Variants in IDS observed in about 807,000 individuals in gnomAD.
IDS encodes iduronate 2-sulfatase.
Under a neutral mutation model 33.5 loss-of-function variants are expected in IDS, and 1 was observed. The observed-to-expected ratio is 0.03, with a 90% CI of 0.01 to 0.14. The LOEUF (loss-of-function observed/expected upper bound fraction) is 0.14, where lower values mean the gene tolerates loss of function less well. Among genes scored for constraint, IDS ranks in the 10% least tolerant of loss-of-function variants. The pLI, the probability that IDS is intolerant of heterozygous loss-of-function variation, is 1.00. For missense variants in IDS, 328 were observed against 448.0 expected (o/e 0.73, Z 2.42); for synonymous variants, 191 against 184.4 (o/e 1.04, Z -0.29).
intron 8 of IDS, among the ~76,000 whole-genome samples, chrX:149,483,953 C>G (rs782646001): frequency 8.0e-5 from 9 of 112,715 alleles, no homozygotes; most frequent in Non-Finnish European, 3.7e-5. Context: ...ATAATGTCCT[C>G]AAGGCTCATC....
At chrX:149,503,901 G>A (rs1390265255) in intron 2 of IDS, among the ~76,000 whole-genome samples, 26 of 111,440 alleles carry the variant, frequency 2.3e-4, no homozygotes, top group Non-Finnish European at 4.5e-4. Context: ...CGTTCTGGGA[G>A]AAAGCTGGCC....
intron 7 of IDS, chrX:149,487,317 TAAA>T (rs782120091): frequency 1.7e-6 from 2 of 1,167,120 alleles, no homozygotes; most frequent in Non-Finnish European, 2.3e-6. Context: ...AGGAAACCTT[TAAA>T]AAAGAAAAAA....
intron 6 of IDS, among the ~76,000 whole-genome samples, chrX:149,494,241 C>T (rs782092019): frequency 5.4e-5 from 6 of 111,711 alleles, no homozygotes; most frequent in South Asian, 7.5e-4. Flanking sequence ...GTGAGCTGGG[C>T]GGCTGGGAAG....
intron 8 of IDS, among the ~76,000 whole-genome samples, chrX:149,484,706 G>C (rs1468620349): frequency 8.9e-6 from 1 of 112,446 alleles, no homozygotes; most frequent in East Asian, 2.8e-4. Context: ...CATATTTAAA[G>C]TCTAAATACT....
At chrX:149,491,197 G>T (rs190892072) in intron 6 of IDS, among the ~76,000 whole-genome samples, 1 of 111,805 alleles carries the variant, frequency 8.9e-6, no homozygotes, top group East Asian at 2.8e-4. Flanking sequence ...ATATCTTCAT[G>T]AACTATGGCC....
rs1486597383 is a variant in IDS, at chrX:149,484,308, TCTTAACA to T, written c.1181-1097_1181-1091del. 3.6e-5 allele frequency among the ~76,000 whole-genome samples: 4 copies of T among 112,529 alleles called. No homozygotes were observed. The East Asian group carries it at 1.1e-3, about 31-fold the overall frequency. ...AATTTTTCCATATAATCACTAACACTCTTAACACTTGTTTCATTCTTTTTTTTTAGAC... is the reference window on the plus strand; with the variant it reads ...AATTTTTCCATATAATCACTAACACTCTTGTTTCATTCTTTTTTTTTAGAC... On this transcript the variant is annotated intron_variant, in intron 8 of 8. Coordinates refer to ENST00000340855, the MANE Select transcript of IDS (RefSeq NM_000202.8).
In IDS at chrX:149,489,795, A is replaced by T. The variant is rs782191105; in HGVS notation, c.1006+519T>A. 4.5e-5 allele frequency among the ~76,000 whole-genome samples: 5 copies of T among 111,451 alleles called. No individual in the cohort carries two copies. In the East Asian group the frequency reaches 1.4e-3, roughly 31 times the overall value. ...CTGCTCTTGGAATGTTGAAGAATTT[A>T]AAAAATGCTTTTAAAAAGATAGTTT... is the stretch of plus-strand genomic sequence containing the variant. On this transcript the variant is annotated intron_variant, in intron 7 of 8. Transcript: ENST00000340855.
At chrX:149,487,305 T>G in intron 7 of IDS, 1 of 1,193,282 alleles carries the variant, frequency 8.4e-7, no homozygotes, top group Non-Finnish European at 1.1e-6. Context: ...TTTGTCCTCA[T>G]GAGGAAACCT....
chrX:149,500,012 C>A (rs782131759), intron 4 of IDS, among the ~76,000 whole-genome samples: 6 of 111,762 alleles, frequency 5.4e-5, no homozygotes, highest in Admixed American at 1.9e-4. Flanking sequence ...CTGCCTTGCT[C>A]ACCCCACCCT....
At chrX:149,490,514 C>A (rs781830490) in intron 6 of IDS, 74 bp from the exon 7 acceptor site, 364 of 1,054,362 alleles carry the variant, frequency 3.5e-4, no homozygotes, top group Non-Finnish European at 4.0e-4. Context: ...ATAATGCTTG[C>A]CTGTGCATCT....
Position 149,487,686 on chromosome X carries a change from C to T in IDS, c.1007-588G>A, listed in dbSNP as rs782423909. On this transcript the variant is annotated intron_variant, in intron 7 of 8. Coordinates refer to ENST00000340855, the MANE Select transcript of IDS (RefSeq NM_000202.8). ...ACCTCTCATTTCAGATCCTTAACCT[C>T]AATTAAAAACAACCCTTCATGCCTA... Among the ~76,000 whole-genome samples, 7 of 112,480 alleles carry T rather than the reference C, an allele frequency of 6.2e-5. No homozygotes were observed. The South Asian group carries it at 1.5e-3, about 24-fold the overall frequency.
intron 7 of IDS, 156 bp from the exon 8 acceptor site, chrX:149,487,254 G>A (rs370813919): frequency 8.3e-7 from 1 of 1,205,225 alleles, no homozygotes; most frequent in Non-Finnish European, 1.1e-6. Context: ...ACCACAGAAA[G>A]GGTTATTTCA....
In IDS at chrX:149,501,162, T is replaced by C. The variant is rs1411201493; in HGVS notation, c.419-125A>G. ...TTCTTTGGGGCTCAGTTTCCTCATC[T>C]ACAAAAGGTCCCCTCTAAAGCCAAA... On this transcript the variant is annotated intron_variant, in intron 3 of 8. Coordinates refer to ENST00000340855, the MANE Select transcript of IDS (RefSeq NM_000202.8). 1.4e-5 allele frequency: 6 copies of C among 440,375 alleles called. No homozygotes were observed. The African/African-American group carries it at 1.6e-4, about 12-fold the overall frequency. The allele number at this position is 440,375 out of a possible 1,213,427, so 36.3% of individuals were successfully genotyped here. A position where few individuals can be genotyped will look rare whatever the true frequency, so the allele number is the denominator to read the frequency against.
In IDS at chrX:149,487,005, G is replaced by A. The variant is rs782588855; in HGVS notation, c.1100C>T (p.Thr367Met). 21 of 1,209,939 alleles carry A rather than the reference G, an allele frequency of 1.7e-5. No homozygotes were observed. The highest frequency in any genetic ancestry group is 1.2e-4 in the East Asian group (4 of 33,784). Residue 367 changes from threonine to methionine, a missense_variant, in exon 8 of 9, where the codon ACG becomes ATG. Thr to Met is a moderately conservative substitution (Grantham distance 81, BLOSUM62 -1). Transcript: ENST00000340855. ...VPLIFYVPGR[T>M]ASLPEAGEKL... Reference sequence around the variant, plus strand: ...CTCGCCTGCCTCCGGAAGTGAAGCCGTCCTTCCAGGAACATAGAATATCAG... The same window carrying A: ...CTCGCCTGCCTCCGGAAGTGAAGCCATCCTTCCAGGAACATAGAATATCAG...
Position 149,482,016 on chromosome X carries a change from G to A in IDS, c.*730C>T, listed in dbSNP as rs1402504640. Reference sequence around the variant, plus strand: ...ATTATTTGCTAACAAATTATTATTTGGGCCAGAAAGTATCTGAAAAAAGTT... The same window carrying A: ...ATTATTTGCTAACAAATTATTATTTAGGCCAGAAAGTATCTGAAAAAAGTT... On this transcript the variant is annotated 3_prime_UTR_variant, in exon 9 of 9. Transcript: ENST00000340855. 6 of 112,161 alleles carry A rather than the reference G, an allele frequency of 5.3e-5. No homozygotes were observed. The highest frequency in any genetic ancestry group is 1.1e-4 in the Non-Finnish European group (6 of 53,175). The allele number at this position is 112,161 out of a possible 1,213,427, so 9.2% of individuals were successfully genotyped here.
Position 149,489,718 on chromosome X carries a change from A to T in IDS, c.1006+596T>A, listed in dbSNP as rs782263095. ...AGAGATGGGGGAGTGGGTGAGGATG[A>T]GAGGAACAAGACTATGTGAGTGGGA... On this transcript the variant is annotated intron_variant, in intron 7 of 8. Coordinates refer to ENST00000340855, the MANE Select transcript of IDS (RefSeq NM_000202.8). Among the ~76,000 whole-genome samples the T allele has an allele frequency of 2.7e-5, 3 of 111,867 alleles. No individual in the cohort carries two copies. In the South Asian group the frequency reaches 1.1e-3, roughly 42 times the overall value.
rs782356881 is a variant in IDS, at chrX:149,490,295, G to A, written c.1006+19C>T. 1.7e-6 allele frequency: 2 copies of A among 1,207,929 alleles called. No individual in the cohort carries two copies. Among genetic ancestry groups the A allele is most frequent in the East Asian group, 5.9e-5 (2 of 33,809 alleles). On this transcript the variant is annotated intron_variant, in intron 7 of 8. Transcript: ENST00000340855. ...AAGTTCAGATGTTTTGACTCACCAGGGAATTTCAAAATGCTTACCATGATC... is the reference window on the plus strand; with the variant it reads ...AAGTTCAGATGTTTTGACTCACCAGAGAATTTCAAAATGCTTACCATGATC...
At chrX:149,495,160 A>G (rs782551727) in intron 6 of IDS, among the ~76,000 whole-genome samples, 1 of 112,329 alleles carries the variant, frequency 8.9e-6, no homozygotes, top group South Asian at 3.7e-4. Context: ...ACCATCACTA[A>G]TAAAGCATCC....
Position 149,496,440 on chromosome X carries a change from A to G in IDS, c.785T>C (p.Val262Ala). The change falls in exon 6 of 9, where the codon GTG (valine) becomes GCG (alanine). Residue 262 changes from valine (V) to alanine (A), a missense_variant. By Grantham distance (64) the Val-to-Ala change is moderately conservative. Coordinates refer to ENST00000340855, the MANE Select transcript of IDS (RefSeq NM_000202.8). ...GATGTCCATCCAGGGGTTGTAGGCC[A>G]CAGGGGGTAGGCCATCAGGGACCTC... ...DPEVPDGLPPVAYNPWMDIRQ... is the reference protein window; with the variant it reads ...DPEVPDGLPPAAYNPWMDIRQ... The G allele has an allele frequency of 8.3e-7, 1 of 1,209,495 alleles. No homozygotes were observed. The highest frequency in any genetic ancestry group is 1.1e-6 in the Non-Finnish European group (1 of 893,395).
Sources: allele counts gnomAD v4.1 joint callset (sites outside exome capture counted in the v4.1 genomes callset), GRCh38; gene constraint gnomAD v4.1.1; transcripts MANE v1.5; gene names NCBI Gene and HGNC (gene_info 2026-07-23, HGNC 2026-07-21).